The following UGT1A3 variants were observed in gnomAD, a reference collection of about 807,000 sequenced individuals.
UGT1A3 encodes UDP glucuronosyltransferase family 1 member A3.
In UGT1A3, 31 loss-of-function variants were observed where a neutral mutation model predicts 41.0. That is an observed-to-expected ratio of 0.76 (90% CI 0.57 to 1.02). The LOEUF (loss-of-function observed/expected upper bound fraction) is 1.02. Among genes scored for constraint, UGT1A3 ranks in the 50% least tolerant of loss-of-function variants. The probability of loss-of-function intolerance (pLI) is 0.00; values close to 1 mark genes in which losing one functional copy is unlikely to be tolerated. For synonymous variants in UGT1A3, 262 were observed against 257.6 expected, an observed-to-expected ratio of 1.02 and a Z score of -0.17; for missense variants, 737 against 671.0, an observed-to-expected ratio of 1.10 and a Z score of -1.09.
At chr2:233,731,174 T>A (rs1363213399) in intron 1 of UGT1A3, among the ~76,000 whole-genome samples, 2 of 152,202 alleles carry the variant, frequency 1.3e-5, no homozygotes, top group Admixed American at 6.5e-5. Context: ...ATGATTTTTT[T>A]ATGCAATGTA....
intron 3 of UGT1A3, 127 bp downstream of exon 3, chr2:233,768,063 T>A (rs1012824630): frequency 1.3e-6 from 2 of 1,599,680 alleles, no homozygotes; most frequent in African/African-American, 2.7e-5. Context: ...CATTGCTTTT[T>A]ATCTAGTGGG....
intron 1 of UGT1A3, chr2:233,760,195 C>T (rs2125980169): frequency 6.4e-7 from 1 of 1,574,430 alleles, no homozygotes; most frequent in Admixed American, 1.7e-5. Context: ...TCACGTGACA[C>T]AGTCAAACAT....
chr2:233,732,066 G>A (rs1295393018), intron 1 of UGT1A3, among the ~76,000 whole-genome samples: 2 of 152,128 alleles, frequency 1.3e-5, no homozygotes, highest in African/African-American at 4.8e-5. Flanking sequence ...TGTGTCTGTT[G>A]GCTGCATAAA....
intron 1 of UGT1A3, among the ~76,000 whole-genome samples, chr2:233,750,965 G>A (rs1482754384): frequency 1.3e-5 from 2 of 151,940 alleles, no homozygotes; most frequent in Admixed American, 6.5e-5. Context: ...CTGGGGCACT[G>A]CCTAGTGGAG....
chr2:233,744,073 C>G, intron 1 of UGT1A3: 1 of 475,704 alleles, frequency 2.1e-6, no homozygotes, highest in Non-Finnish European at 3.5e-6. Context: ...ATGAGCGCCT[C>G]GCATCCCAAG....
At chr2:233,766,404 G>T (rs990056235) in intron 1 of UGT1A3, among the ~76,000 whole-genome samples, 1 of 152,164 alleles carries the variant, frequency 6.6e-6, no homozygotes. Flanking sequence ...GCGTCCCTCC[G>T]CTGATGTGCT....
chr2:233,738,766 T>G (rs1690890490), intron 1 of UGT1A3, among the ~76,000 whole-genome samples: 1 of 152,128 alleles, frequency 6.6e-6, no homozygotes, highest in Non-Finnish European at 1.5e-5. Context: ...AAAACCCATT[T>G]TATGGGGAGA....
chr2:233,757,535 A>AATATAT (rs67292694), intron 1 of UGT1A3, among the ~76,000 whole-genome samples: 2,323 of 88,244 alleles, frequency 0.026, 162 homozygotes, highest in African/African-American at 0.078. Context: ...GCCTGTAAGG[A>AATATAT]ATATATATAT....
intron 1 of UGT1A3, among the ~76,000 whole-genome samples, chr2:233,757,643 G>A (rs955610345): frequency 6.7e-6 from 1 of 150,102 alleles, no homozygotes; most frequent in African/African-American, 2.5e-5. Context: ...AGAACAAAAT[G>A]CTGTTTTTCT....
rs142986334 is a variant in UGT1A3 at position 233,729,623 on chromosome 2, C to A, written c.497C>A (p.Ser166Ter). ...LCAAVLAKYL[S>*]IPTVFFLRNI... Reference sequence around the variant, plus strand: ...GCGGCAGTGCTGGCTAAGTACCTGTCGATTCCTACTGTGTTTTTTTTGAGG... The same window carrying A: ...GCGGCAGTGCTGGCTAAGTACCTGTAGATTCCTACTGTGTTTTTTTTGAGG... Residue 166 changes from serine to a stop codon, truncating the protein, a stop_gained, in exon 1 of 5, where the codon TCG (serine) becomes TAG (stop). Transcript: ENST00000482026. LOFTEE classifies it high-confidence loss of function. 6.2e-7 allele frequency: 1 copy of A among 1,613,912 alleles called. No individual in the cohort carries two copies. The highest frequency in any genetic ancestry group is 8.5e-7 in the Non-Finnish European group (1 of 1,179,890).
intron 1 of UGT1A3, among the ~76,000 whole-genome samples, chr2:233,757,540 A>ATATATATATATATATATATATATATG (rs1696599685): frequency 2.6e-5 from 3 of 116,538 alleles, no homozygotes; most frequent in Non-Finnish European, 5.4e-5. Flanking sequence ...TAAGGAATAT[A>ATATATATATATATATATATATATATG]TATATATATA....
intron 1 of UGT1A3, chr2:233,743,719 G>A (rs757280255): frequency 2.2e-6 from 3 of 1,367,368 alleles, no homozygotes; most frequent in East Asian, 9.1e-5. Context: ...CGCCATAGCG[G>A]TCATAGATAT....
At chr2:233,735,837 C>T (rs2078701654) in intron 1 of UGT1A3, among the ~76,000 whole-genome samples, 1 of 151,994 alleles carries the variant, frequency 6.6e-6, no homozygotes, top group South Asian at 2.1e-4. Flanking sequence ...GAATATTGGC[C>T]CCCACTCTCT....
intron 1 of UGT1A3, among the ~76,000 whole-genome samples, chr2:233,757,948 G>A (rs1469946422): frequency 6.6e-6 from 1 of 152,076 alleles, no homozygotes; most frequent in Non-Finnish European, 1.5e-5. Flanking sequence ...TCATATTGCT[G>A]CCCTGCTGTG....
At chr2:233,755,357 TGGGCCGCCTGGA>T in intron 1 of UGT1A3, 1 of 376,616 alleles carries the variant, frequency 2.7e-6, no homozygotes, top group South Asian at 2.2e-5. Context: ...CTTGGCGACC[TGGGCCGCCTGGA>T]GGGCCGCCCC....
chr2:233,754,938 G>A lies in UGT1A3; in HGVS notation c.868-12096G>A, dbSNP rs1338582901. ...CAGCGGGTTTCCCAAGAGGTCAAAG[G>A]AGAATGGGTCCCGGCCGCCAAAGAA... On this transcript the variant is annotated intron_variant, in intron 1 of 4. Coordinates refer to ENST00000482026, the MANE Select transcript of UGT1A3 (RefSeq NM_019093.4). 4 of 1,337,850 alleles carry A rather than the reference G, an allele frequency of 3.0e-6. No individual in the cohort carries two copies. The South Asian group carries it at 4.6e-5, about 15-fold the overall frequency. The allele number at this position is 1,337,850 out of a possible 1,614,324, so 82.9% of individuals were successfully genotyped here.
intron 1 of UGT1A3, among the ~76,000 whole-genome samples, chr2:233,758,432 C>A (rs1404622059): frequency 6.6e-6 from 1 of 152,194 alleles, no homozygotes; most frequent in African/African-American, 2.4e-5. Flanking sequence ...TGAACTCACA[C>A]AGCATTGGGA....
chr2:233,761,146 T>C lies in UGT1A3; in HGVS notation c.868-5888T>C, dbSNP rs1337384419. On this transcript the variant is annotated intron_variant, in intron 1 of 4. Coordinates refer to ENST00000482026, the MANE Select transcript of UGT1A3 (RefSeq NM_019093.4). ...CAACTGCCTTCACCAAAATCCACTATCCCAGGTGTGTATTGGAGTGGGACT... is the reference window on the plus strand; with the variant it reads ...CAACTGCCTTCACCAAAATCCACTACCCCAGGTGTGTATTGGAGTGGGACT... 8.1e-6 allele frequency: 13 copies of C among 1,614,114 alleles called. No individual in the cohort carries two copies. The highest frequency in any genetic ancestry group is 4.0e-5 in the African/African-American group (3 of 74,946).
intron 1 of UGT1A3, chr2:233,760,760 C>G (rs1218181857): frequency 6.2e-7 from 1 of 1,614,064 alleles, no homozygotes; most frequent in African/African-American, 1.3e-5. Context: ...CCTTGCAGCC[C>G]CATCGTGGCC....
Sources: allele counts gnomAD v4.1 joint callset (sites outside exome capture counted in the v4.1 genomes callset), GRCh38; gene constraint gnomAD v4.1.1; transcripts MANE v1.5; gene names NCBI Gene and HGNC (gene_info 2026-07-23, HGNC 2026-07-21).